SLC35F4: variants seen among roughly 807,000 people sequenced by gnomAD.
The protein encoded by SLC35F4 is solute carrier family 35 member F4.
Under a neutral mutation model 44.2 loss-of-function variants are expected in SLC35F4, and 24 were observed. That is an observed-to-expected ratio of 0.54 (90% confidence interval 0.39 to 0.76). The LOEUF (loss-of-function observed/expected upper bound fraction) is 0.76, where lower values mean the gene tolerates loss of function less well. SLC35F4 is among the 30% of genes least tolerant of loss of function. The probability of loss-of-function intolerance (pLI) is 0.00; values close to 1 mark genes in which losing one functional copy is unlikely to be tolerated. For missense variants in SLC35F4, 562 were observed against 586.1 expected (o/e 0.96, Z 0.42); for synonymous variants, 238 against 223.6 (o/e 1.06, Z -0.57).
chr14:57,794,031 C>G (rs2077993859), intron 1 of SLC35F4, among the ~76,000 whole-genome samples: 1 of 151,988 alleles, frequency 6.6e-6, no homozygotes, highest in Admixed American at 6.6e-5. Context: ...AACTAGATTC[C>G]TATCTTTCAT....
chr14:57,740,055 T>C (rs1403080118), intron 1 of SLC35F4, among the ~76,000 whole-genome samples: 7 of 152,152 alleles, frequency 4.6e-5, no homozygotes, highest in Admixed American at 4.6e-4. Flanking sequence ...AGATGGGGTT[T>C]CGTCATGTTG....
At chr14:57,634,397 G>C (rs1482727471) in intron 1 of SLC35F4, among the ~76,000 whole-genome samples, 1 of 152,102 alleles carries the variant, frequency 6.6e-6, no homozygotes, top group Non-Finnish European at 1.5e-5. Flanking sequence ...TGCCAGCTCT[G>C]TGTTCAGTCA....
rs535272472 is a variant in SLC35F4, at chr14:57,876,651, A to G, written n.282+105262T>C. Reference sequence around the variant, plus strand: ...AGAAGTTGGTTGTGTTCAAGTTATAATCTTGAGAATGGATTGAGAAATGCA... The same window carrying G: ...AGAAGTTGGTTGTGTTCAAGTTATAGTCTTGAGAATGGATTGAGAAATGCA... On this transcript the variant is annotated intron_variant and non_coding_transcript_variant, in intron 1 of 1. Transcript: ENST00000556568. 1.4e-4 allele frequency among the ~76,000 whole-genome samples: 22 copies of G among 152,314 alleles called. No homozygotes were observed. In the East Asian group the frequency reaches 3.9e-3, roughly 27 times the overall value.
At chr14:57,926,917 C>T (rs1238455897) in intron 1 of SLC35F4, among the ~76,000 whole-genome samples, 1 of 152,158 alleles carries the variant, frequency 6.6e-6, no homozygotes, top group Non-Finnish European at 1.5e-5. Flanking sequence ...CTCTGGTCTC[C>T]TTTTCTGTCC....
chr14:57,871,770 C>G (rs1888301458), intron 1 of SLC35F4, among the ~76,000 whole-genome samples: 1 of 152,186 alleles, frequency 6.6e-6, no homozygotes, highest in African/African-American at 2.4e-5. Context: ...TCAGTCAGAG[C>G]TAATACTAGA....
intron 1 of SLC35F4, among the ~76,000 whole-genome samples, chr14:57,641,755 T>C (rs2073250653): frequency 6.6e-6 from 1 of 152,068 alleles, no homozygotes; most frequent in Non-Finnish European, 1.5e-5. Context: ...CTGCAGCTAT[T>C]ACCTAGAATA....
At chr14:57,937,064 C>CTTTTTTTTTTTTTTT (rs11458039) in intron 1 of SLC35F4, among the ~76,000 whole-genome samples, 1 of 144,218 alleles carries the variant, frequency 6.9e-6, no homozygotes, top group Non-Finnish European at 1.5e-5. Context: ...ATTTTACCTG[C>CTTTTTTTTTTTTTTT]TTTTTTTTTT....
intron 1 of SLC35F4, among the ~76,000 whole-genome samples, chr14:57,862,613 C>A (rs547733104): frequency 1.3e-5 from 2 of 152,348 alleles, no homozygotes; most frequent in East Asian, 1.9e-4. Flanking sequence ...CAGATCTTTG[C>A]GCTAGCTATT....
At chr14:57,867,831 A>G (rs1217366321), upstream of SLC35F4, among the ~76,000 whole-genome samples, 2 of 152,168 alleles carry the variant, frequency 1.3e-5, no homozygotes, top group African/African-American at 2.4e-5. Flanking sequence ...TATATATATC[A>G]GTAAGAGAGA....
At chr14:57,593,176 G>T (rs1285394202) in intron 2 of SLC35F4, among the ~76,000 whole-genome samples, 2 of 152,230 alleles carry the variant, frequency 1.3e-5, no homozygotes, top group Non-Finnish European at 1.5e-5. Context: ...GAACGTGGAA[G>T]TATGCTCGGT....
Position 57,888,729 on chromosome 14 carries a change from C to T in SLC35F4, n.282+93184G>A, listed in dbSNP as rs144256946. Reference sequence around the variant, plus strand: ...TGGAAAAAGAAAAACAAGAAAGTCACTTCATTTTTGTTTTGAACTTATTTT... The same window carrying T: ...TGGAAAAAGAAAAACAAGAAAGTCATTTCATTTTTGTTTTGAACTTATTTT... On this transcript the variant is annotated intron_variant and non_coding_transcript_variant, in intron 1 of 1. Transcript: ENST00000556568. Among the ~76,000 whole-genome samples, 309 of 152,270 alleles carry T rather than the reference C, an allele frequency of 2.0e-3. 1 individual carries two copies. Among genetic ancestry groups the T allele is most frequent in the African/African-American group, 7.1e-3 (296 of 41,566 alleles).
chr14:57,939,456 G>A (rs1203641188), intron 1 of SLC35F4, among the ~76,000 whole-genome samples: 1 of 152,216 alleles, frequency 6.6e-6, no homozygotes, highest in East Asian at 1.9e-4. Flanking sequence ...TGCACGAGGG[G>A]CATTGGCCTG....
At chr14:57,680,212 G>A (rs1347633585) in intron 1 of SLC35F4, among the ~76,000 whole-genome samples, 1 of 152,058 alleles carries the variant, frequency 6.6e-6, no homozygotes. Flanking sequence ...TGCAAGTCTG[G>A]TTCTACATTA....
At chr14:57,652,198 A>G (rs185637388) in intron 1 of SLC35F4, among the ~76,000 whole-genome samples, 1 of 152,332 alleles carries the variant, frequency 6.6e-6, no homozygotes, top group Admixed American at 6.5e-5. Flanking sequence ...AATTTTCAGA[A>G]GCTTTCTGCA....
chr14:57,666,958 T>C (rs982741167), intron 1 of SLC35F4, among the ~76,000 whole-genome samples: 3 of 151,248 alleles, frequency 2.0e-5, no homozygotes, highest in Non-Finnish European at 4.4e-5. Flanking sequence ...AAAGGCCAAA[T>C]GCACGGAGTT....
At chr14:57,835,932 G>A (rs1884872977) in intron 1 of SLC35F4, among the ~76,000 whole-genome samples, 1 of 152,162 alleles carries the variant, frequency 6.6e-6, no homozygotes. Flanking sequence ...GTTAAAGAAT[G>A]CAGGAATTTT....
intron 1 of SLC35F4, among the ~76,000 whole-genome samples, chr14:57,708,021 T>A (rs924674043): frequency 6.6e-6 from 1 of 152,160 alleles, no homozygotes; most frequent in Non-Finnish European, 1.5e-5. Context: ...ATTAACAAAT[T>A]AGCCACAAGA....
At chr14:57,945,990 A>C (rs985871253) in intron 1 of SLC35F4, among the ~76,000 whole-genome samples, 3 of 151,526 alleles carry the variant, frequency 2.0e-5, no homozygotes, top group Non-Finnish European at 4.4e-5. Flanking sequence ...TTTCTCGATG[A>C]TTTGTTTGAG....
At chr14:57,881,309 G>A (rs904726162) in intron 1 of SLC35F4, among the ~76,000 whole-genome samples, 12 of 152,170 alleles carry the variant, frequency 7.9e-5, no homozygotes, top group Admixed American at 7.2e-4. Flanking sequence ...AGATCATAAG[G>A]GTGCCTCCTA....
Sources: allele counts gnomAD v4.1 joint callset (sites outside exome capture counted in the v4.1 genomes callset), GRCh38; gene constraint gnomAD v4.1.1; transcripts MANE v1.5; gene names NCBI Gene and HGNC (gene_info 2026-07-23, HGNC 2026-07-21).